The following DLG2 variants were observed in gnomAD, a reference collection of about 807,000 sequenced individuals.
DLG2 encodes the protein disks large homolog 2.
In DLG2, 45 loss-of-function variants were observed where a neutral mutation model predicts 132.5. The ratio of observed to expected loss-of-function variants is 0.34; its 90% CI spans 0.27 to 0.44. The LOEUF (loss-of-function observed/expected upper bound fraction) is 0.44. Among genes scored for constraint, DLG2 ranks in the 20% least tolerant of loss-of-function variants. The pLI is 1.00. For synonymous variants in DLG2, 424 were observed against 419.6 expected (o/e 1.01, Z -0.13); for missense variants, 1,045 against 1,196.9 (o/e 0.87, Z 1.87).
chr11:85,188,363 A>C (rs768729924), intron 4 of DLG2, among the ~76,000 whole-genome samples: 2 of 152,204 alleles, frequency 1.3e-5, no homozygotes, highest in African/African-American at 4.8e-5. Context: ...GGAAAGTTGC[A>C]AACAAACAAA....
intron 6 of DLG2, among the ~76,000 whole-genome samples, chr11:84,816,886 T>C (rs972008106): frequency 1.3e-5 from 2 of 152,024 alleles, no homozygotes; most frequent in Non-Finnish European, 2.9e-5. Context: ...ATATACAACA[T>C]TTACTGCCAT....
intron 3 of DLG2, among the ~76,000 whole-genome samples, chr11:85,526,653 T>C (rs1177503315): frequency 1.3e-5 from 2 of 152,200 alleles, no homozygotes; most frequent in African/African-American, 2.4e-5. Context: ...AATTTTACTG[T>C]GCTAAGGGAA....
intron 3 of DLG2, among the ~76,000 whole-genome samples, chr11:85,507,770 G>A (rs2153147112): frequency 6.6e-6 from 1 of 152,254 alleles, no homozygotes. Context: ...CTAGGTCTGG[G>A]AAGTTCTCCT....
chr11:83,791,368 G>T, intron 17 of DLG2: 1 of 679,434 alleles, frequency 1.5e-6, no homozygotes, highest in Non-Finnish European at 2.6e-6. Context: ...TTTGCTTTTT[G>T]ATCTGTCTTT....
At chr11:84,265,670 GATAA>G (rs1438649847) in intron 7 of DLG2, among the ~76,000 whole-genome samples, 1 of 152,066 alleles carries the variant, frequency 6.6e-6, no homozygotes, top group Non-Finnish European at 1.5e-5. Context: ...ATTGTAACAA[GATAA>G]ATAAATATAA....
At chr11:84,742,425 G>A (rs969246805) in intron 6 of DLG2, among the ~76,000 whole-genome samples, 1 of 151,998 alleles carries the variant, frequency 6.6e-6, no homozygotes, top group Non-Finnish European at 1.5e-5. Flanking sequence ...CACATATAAG[G>A]GCATCACCAT....
At chr11:85,409,725 C>G (rs1353298018) in intron 3 of DLG2, among the ~76,000 whole-genome samples, 3 of 151,812 alleles carry the variant, frequency 2.0e-5, no homozygotes, top group African/African-American at 7.2e-5. Context: ...GGCTTGAACT[C>G]TGGTTCTGAC....
intron 26 of DLG2, among the ~76,000 whole-genome samples, chr11:83,465,697 G>T (rs142001562): frequency 6.6e-6 from 1 of 152,136 alleles, no homozygotes; most frequent in African/African-American, 2.4e-5. Flanking sequence ...ATGCCAAAGA[G>T]TACATGAACA....
At chr11:85,414,640 T>C (rs1403903189) in intron 3 of DLG2, among the ~76,000 whole-genome samples, 1 of 151,994 alleles carries the variant, frequency 6.6e-6, no homozygotes, top group Non-Finnish European at 1.5e-5. Context: ...TTTTAATACA[T>C]TGTTTCTTTG....
At chr11:84,524,186 G>T (rs2099313170) in intron 7 of DLG2, among the ~76,000 whole-genome samples, 1 of 152,182 alleles carries the variant, frequency 6.6e-6, no homozygotes, top group Non-Finnish European at 1.5e-5. Context: ...AAGCTGTCCT[G>T]AGTCACAGGT....
intron 18 of DLG2, among the ~76,000 whole-genome samples, chr11:83,649,984 C>T (rs2069602833): frequency 6.6e-6 from 1 of 152,084 alleles, no homozygotes; most frequent in Non-Finnish European, 1.5e-5. Context: ...TAGGGGTTTG[C>T]TAGAGAATAC....
intron 3 of DLG2, among the ~76,000 whole-genome samples, chr11:85,488,347 C>A (rs1234769934): frequency 6.6e-6 from 1 of 151,778 alleles, no homozygotes; most frequent in Non-Finnish European, 1.5e-5. Context: ...CGAGATCGCA[C>A]CACTGCACTC....
intron 15 of DLG2, among the ~76,000 whole-genome samples, chr11:83,908,489 T>C (rs2075440307): frequency 6.6e-6 from 1 of 152,072 alleles, no homozygotes; most frequent in Non-Finnish European, 1.5e-5. Flanking sequence ...CACACGAGCA[T>C]ATGCACGCAT....
intron 8 of DLG2, 120 bp from the exon 9 acceptor site, chr11:84,163,631 C>T: frequency 1.3e-6 from 1 of 748,440 alleles, no homozygotes; most frequent in South Asian, 1.7e-5. Context: ...ACCACATTTT[C>T]TTGATATTTC....
chr11:83,531,852 A>G (rs903185643), intron 21 of DLG2, among the ~76,000 whole-genome samples: 30 of 149,180 alleles, frequency 2.0e-4, no homozygotes, highest in African/African-American at 6.4e-4. Context: ...CTACAACACA[A>G]ACACGTCTTG....
chr11:85,133,421 A>G (rs562899536), intron 5 of DLG2, among the ~76,000 whole-genome samples: 3 of 152,308 alleles, frequency 2.0e-5, no homozygotes, highest in Non-Finnish European at 2.9e-5. Context: ...GCTAAGGTGC[A>G]TGTGGTACTG....
intron 6 of DLG2, among the ~76,000 whole-genome samples, chr11:85,023,000 T>C (rs2060212738): frequency 1.3e-5 from 2 of 152,086 alleles, no homozygotes; most frequent in East Asian, 1.9e-4. Context: ...CTTAGAGTTA[T>C]ATAACTGTCA....
chr11:84,624,680 C>A (rs1448385912), intron 6 of DLG2, among the ~76,000 whole-genome samples: 3 of 151,494 alleles, frequency 2.0e-5, no homozygotes, highest in African/African-American at 7.3e-5. Context: ...AGCTCTTCCC[C>A]ATGACATTCC....
chr11:84,398,397 G>A (rs2098818166), intron 7 of DLG2, among the ~76,000 whole-genome samples: 1 of 152,090 alleles, frequency 6.6e-6, no homozygotes, highest in African/African-American at 2.4e-5. Context: ...AGCTCATACT[G>A]GTATCTAAGG....
Sources: allele counts gnomAD v4.1 joint callset (sites outside exome capture counted in the v4.1 genomes callset), GRCh38; gene constraint gnomAD v4.1.1; transcripts MANE v1.5; gene names NCBI Gene and HGNC (gene_info 2026-07-23, HGNC 2026-07-21).